The following UIMC1 variants were observed in gnomAD, a reference collection of about 807,000 sequenced individuals.
The protein encoded by UIMC1 is ubiquitin interaction motif containing 1.
Under a neutral mutation model 84.9 loss-of-function variants are expected in UIMC1, and 42 were observed. The ratio of observed to expected loss-of-function variants is 0.49; its 90% CI spans 0.39 to 0.64. UIMC1 has a LOEUF of 0.64. Ranked by LOEUF, UIMC1 falls within the 30% of genes least tolerant of loss-of-function variation. UIMC1 has a pLI of 0.00. For synonymous variants in UIMC1, 281 were observed against 293.0 expected (o/e 0.96, Z 0.42); for missense variants, 825 against 847.6 (o/e 0.97, Z 0.33).
intron 1 of UIMC1, among the ~76,000 whole-genome samples, chr5:176,993,002 A>G (rs1773105756): frequency 1.3e-5 from 2 of 151,906 alleles, no homozygotes; most frequent in Admixed American, 6.6e-5. Flanking sequence ...CATGGCCAAC[A>G]TGGCGAAACC....
chr5:176,942,852 C>T (rs1259674517), intron 10 of UIMC1, among the ~76,000 whole-genome samples: 4 of 151,080 alleles, frequency 2.6e-5, no homozygotes, highest in Admixed American at 1.3e-4. Flanking sequence ...GTCATGAGTT[C>T]GAGAGCAGCC....
intron 1 of UIMC1, among the ~76,000 whole-genome samples, chr5:177,013,401 C>A (rs1775601540): frequency 6.7e-6 from 1 of 150,088 alleles, no homozygotes; most frequent in South Asian, 2.1e-4. Flanking sequence ...CACACACACA[C>A]AAAGATACTT....
chr5:176,958,216 T>C, intron 6 of UIMC1, 62 bp from the exon 7 acceptor site: 1 of 1,434,520 alleles, frequency 7.0e-7, no homozygotes, highest in Non-Finnish European at 9.6e-7. Context: ...TCTCTTCCTT[T>C]TTTAAAAAAA....
Position 176,990,171 on chromosome 5 carries a change from AC to A in UIMC1, c.-8-7549del, listed in dbSNP as rs558397036. ...ACTCCAGCCTGGGCAACAGAGCGAG[AC>A]TCTGTTACAAAAAAAAAAAACAAAA... On this transcript the variant is annotated intron_variant, in intron 1 of 14. Coordinates refer to ENST00000511320, the MANE Select transcript of UIMC1 (RefSeq NM_001199298.2). Among the ~76,000 whole-genome samples the A allele has an allele frequency of 9.0e-3, 1,353 of 150,652 alleles. 8 individuals carry two copies. The highest frequency in any genetic ancestry group is 0.024 in the South Asian group (116 of 4,752).
Position 176,957,995 on chromosome 5 carries a change from T to C in UIMC1, c.1262+98A>G, listed in dbSNP as rs1250178010. 4 of 1,128,456 alleles carry C rather than the reference T, an allele frequency of 3.5e-6. No homozygotes were observed. The African/African-American group carries it at 6.2e-5, about 18-fold the overall frequency. 69.9% of individuals were successfully genotyped at this position (1,128,456 alleles called of 1,614,324 possible). On this transcript the variant is annotated intron_variant, in intron 7 of 14. Coordinates refer to ENST00000511320, the MANE Select transcript of UIMC1 (RefSeq NM_001199298.2). Reference sequence around the variant, plus strand: ...TCACTTATAAAAGAGCTAAAAGTTCTCTGGCAAGCTGTCCACGTACAGTCT... The same window carrying C: ...TCACTTATAAAAGAGCTAAAAGTTCCCTGGCAAGCTGTCCACGTACAGTCT...
At chr5:176,930,395 G>C (rs1762937889) in intron 10 of UIMC1, among the ~76,000 whole-genome samples, 1 of 152,178 alleles carries the variant, frequency 6.6e-6, no homozygotes, top group African/African-American at 2.4e-5. Context: ...ACTAGCTTTT[G>C]AGTTAAACTT....
intron 10 of UIMC1, among the ~76,000 whole-genome samples, chr5:176,937,099 T>C (rs2149433162): frequency 6.6e-6 from 1 of 152,346 alleles, no homozygotes; most frequent in Non-Finnish European, 1.5e-5. Context: ...CTAACACAAT[T>C]GGCCTTAGAT....
rs764111777 is a variant in UIMC1 at position 176,914,027 on chromosome 5, TACCATACCATAC to T, written c.1598-2650_1598-2639del. 3.3e-3 allele frequency among the ~76,000 whole-genome samples: 467 copies of T among 140,692 alleles called. 3 individuals are homozygous for T. Among genetic ancestry groups the T allele is most frequent in the African/African-American group, 5.4e-3 (208 of 38,194 alleles). 92.3% of individuals were successfully genotyped at this position (140,692 alleles called of 152,430 possible). ...CCATAGCATACCATACCATACACCA[TACCATACCATAC>T]ACCATACCATACCATACCATACCAT... On this transcript the variant is annotated intron_variant, in intron 10 of 14. Coordinates refer to ENST00000511320, the MANE Select transcript of UIMC1 (RefSeq NM_001199298.2).
Position 177,017,518 on chromosome 5 carries a change from G to A in UIMC1, c.-9+4946C>T, listed in dbSNP as rs563448876. ...TTCTCCTGCCTCTGCCTCCTGAGTA[G>A]CTGGGATTACAGGCTTCTGCCACCA... On this transcript the variant is annotated intron_variant, in intron 1 of 5. Transcript: ENST00000509236. Among the ~76,000 whole-genome samples the A allele has an allele frequency of 2.6e-5, 4 of 152,220 alleles. No homozygotes were observed. The South Asian group carries it at 8.3e-4, about 32-fold the overall frequency.
chr5:176,986,762 CA>C lies in UIMC1; in HGVS notation c.-8-4140del, dbSNP rs975535643. The stretch of plus-strand genomic sequence containing the variant: ...TGGGCAACAGGGCATGGTTCTATCT[CA>C]AAAAAAACAATGTCTGCTTTAATCA... On this transcript the variant is annotated intron_variant, in intron 1 of 14. Transcript: ENST00000511320. Among the ~76,000 whole-genome samples, 5 of 151,312 alleles carry C rather than the reference CA, an allele frequency of 3.3e-5. No homozygotes were observed. In the East Asian group the frequency reaches 5.8e-4, roughly 18 times the overall value.
intron 8 of UIMC1, among the ~76,000 whole-genome samples, chr5:176,953,409 T>C (rs1561813038): frequency 6.6e-6 from 1 of 152,070 alleles, no homozygotes; most frequent in Non-Finnish European, 1.5e-5. Context: ...CTAATGTATC[T>C]TCTGAATCAT....
chr5:176,961,973 C>T (rs1441066689), intron 6 of UIMC1, among the ~76,000 whole-genome samples: 3 of 70,800 alleles, frequency 4.2e-5, no homozygotes, highest in African/African-American at 6.3e-5. Context: ...GGCCAGCCGC[C>T]CCGTCCGGGA....
intron 11 of UIMC1, among the ~76,000 whole-genome samples, chr5:176,911,004 G>A (rs773301399): frequency 7.3e-5 from 11 of 151,684 alleles, no homozygotes; most frequent in Non-Finnish European, 1.0e-4. Context: ...CAGGAGAATC[G>A]CTTGAACCCA....
upstream of UIMC1, among the ~76,000 whole-genome samples, chr5:177,007,040 G>A (rs995475125): frequency 2.0e-5 from 3 of 152,134 alleles, no homozygotes; most frequent in Non-Finnish European, 4.4e-5. Flanking sequence ...GCAATTTCAC[G>A]TCTAGAAAAA....
chr5:176,927,136 G>A (rs1245772661), intron 10 of UIMC1, among the ~76,000 whole-genome samples: 1 of 141,836 alleles, frequency 7.1e-6, no homozygotes, highest in Non-Finnish European at 1.5e-5. Context: ...GCCAAAGCAG[G>A]AAAATCACTT....
chr5:176,928,220 T>C (rs1762621601), intron 10 of UIMC1, among the ~76,000 whole-genome samples: 1 of 152,190 alleles, frequency 6.6e-6, no homozygotes, highest in Non-Finnish European at 1.5e-5. Context: ...GCTGCTTTAG[T>C]GCTTTAACAG....
chr5:176,944,246 C>G (rs1764809335), intron 9 of UIMC1, among the ~76,000 whole-genome samples: 1 of 152,202 alleles, frequency 6.6e-6, no homozygotes. Context: ...AAACTAAGAT[C>G]TACATACTTA....
chr5:176,980,788 T>A (rs1770916052), intron 2 of UIMC1, among the ~76,000 whole-genome samples: 1 of 152,192 alleles, frequency 6.6e-6, no homozygotes, highest in Non-Finnish European at 1.5e-5. Context: ...AGTGCAGTGG[T>A]ACAATCATAG....
At chr5:176,971,660 C>T (rs1390719683) in intron 3 of UIMC1, among the ~76,000 whole-genome samples, 4 of 151,134 alleles carry the variant, frequency 2.6e-5, no homozygotes, top group Non-Finnish European at 4.4e-5. Context: ...TGTAATCCCA[C>T]CACTGTGGGA....
Sources: allele counts gnomAD v4.1 joint callset (sites outside exome capture counted in the v4.1 genomes callset), GRCh38; gene constraint gnomAD v4.1.1; transcripts MANE v1.5; gene names NCBI Gene and HGNC (gene_info 2026-07-23, HGNC 2026-07-21).